UBR7: variants seen among roughly 807,000 people sequenced by gnomAD.
UBR7 encodes putative E3 ubiquitin-protein ligase UBR7.
Under a neutral mutation model 57.0 loss-of-function variants are expected in UBR7, and 22 were observed. The observed-to-expected ratio is 0.39, with a 90% CI of 0.28 to 0.55. UBR7 has a LOEUF of 0.55. Among genes scored for constraint, UBR7 ranks in the 20% least tolerant of loss-of-function variants. The probability of loss-of-function intolerance (pLI) is 0.69; values close to 1 mark genes in which losing one functional copy is unlikely to be tolerated. For missense variants in UBR7, 395 were observed against 513.2 expected, an observed-to-expected ratio of 0.77 and a Z score of 2.23; for synonymous variants, 167 against 179.8, an observed-to-expected ratio of 0.93 and a Z score of 0.57.
At chr14:93,211,255 A>C (rs1260562295) in intron 3 of UBR7, among the ~76,000 whole-genome samples, 1 of 151,760 alleles carries the variant, frequency 6.6e-6, no homozygotes, top group Non-Finnish European at 1.5e-5. Context: ...ACAAACAAAA[A>C]CAATAAATAG....
chr14:93,222,712 C>T (rs1894734790), intron 10 of UBR7, among the ~76,000 whole-genome samples: 1 of 151,558 alleles, frequency 6.6e-6, no homozygotes, highest in Admixed American at 6.6e-5. Flanking sequence ...CACTGCACCC[C>T]AGCCTGGGCG....
At chr14:93,219,658 G>A (rs1894664672) in intron 8 of UBR7, among the ~76,000 whole-genome samples, 1 of 152,156 alleles carries the variant, frequency 6.6e-6, no homozygotes, top group East Asian at 1.9e-4. Context: ...TATCAAAGTT[G>A]CTTGGAAACA....
At chr14:93,226,563 G>T (rs1452171798) in intron 10 of UBR7, among the ~76,000 whole-genome samples, 1 of 152,184 alleles carries the variant, frequency 6.6e-6, no homozygotes. Flanking sequence ...GGCCGAGGCA[G>T]GCGGATCATG....
In UBR7 at chr14:93,227,780, G is replaced by T. The variant is rs567195222; in HGVS notation, c.*745G>T. On this transcript the variant is annotated 3_prime_UTR_variant, in exon 11 of 11. Coordinates refer to ENST00000013070, the MANE Select transcript of UBR7 (RefSeq NM_175748.4). ...CTAGAATTAGAATTTCAGTACTGTA[G>T]TGCTCACAGGGCTTCCTGGAGAACA... 26 of 700,844 alleles carry T rather than the reference G, an allele frequency of 3.7e-5. No homozygotes were observed. The highest frequency in any genetic ancestry group is 2.8e-4 in the African/African-American group (16 of 57,302). 43.4% of individuals were successfully genotyped at this position (700,844 alleles called of 1,614,324 possible).
Position 93,226,924 on chromosome 14 carries a change from CTT to C in UBR7, c.1186-17_1186-16del, listed in dbSNP as rs1566825855. On this transcript the variant is annotated splice_polypyrimidine_tract_variant and intron_variant, in intron 10 of 10. Transcript: ENST00000013070. ...CTGTTACTTAGTTCTCTTTCATAAT[CTT>C]TGCTTTTCAAAAACAGGTTGTTAAG... 6.3e-7 allele frequency: 1 copy of C among 1,585,894 alleles called. No homozygotes were observed. The highest frequency in any genetic ancestry group is 8.6e-7 in the Non-Finnish European group (1 of 1,157,012).
chr14:93,229,020 T>C lies in UBR7; in HGVS notation c.*1985T>C, dbSNP rs1216476658. ...AGTTTTCTTATTGACTGTATTGGACTGTCTCTTCTTGTAGAGACTGATTTT... is the reference window on the plus strand; with the variant it reads ...AGTTTTCTTATTGACTGTATTGGACCGTCTCTTCTTGTAGAGACTGATTTT... On this transcript the variant is annotated 3_prime_UTR_variant, in exon 11 of 11. Coordinates refer to ENST00000013070, the MANE Select transcript of UBR7 (RefSeq NM_175748.4). 1 of 448,704 alleles carries C rather than the reference T, an allele frequency of 2.2e-6. No individual in the cohort carries two copies. Among genetic ancestry groups the C allele is most frequent in the South Asian group, 1.6e-5 (1 of 63,298 alleles). 27.8% of individuals were successfully genotyped at this position (448,704 alleles called of 1,614,324 possible). A position where few individuals can be genotyped will look rare whatever the true frequency, so the allele number is the denominator to read the frequency against.
chr14:93,223,853 C>A, intron 10 of UBR7: 2 of 749,888 alleles, frequency 2.7e-6, no homozygotes, highest in Non-Finnish European at 4.9e-6. Flanking sequence ...CCGGTATTCC[C>A]GGTACATGTT....
At chr14:93,211,900 T>G in intron 3 of UBR7, 132 bp from the exon 4 acceptor site, 1 of 696,698 alleles carries the variant, frequency 1.4e-6, no homozygotes, top group Non-Finnish European at 2.3e-6. Flanking sequence ...TTTTTTTTCC[T>G]ACTTTGAAAA....
chr14:93,224,748 A>G (rs1206532772), intron 10 of UBR7, among the ~76,000 whole-genome samples: 2 of 152,228 alleles, frequency 1.3e-5, no homozygotes, highest in East Asian at 3.8e-4. Flanking sequence ...TGGTTAATAC[A>G]GACTCAAGCT....
In UBR7 at chr14:93,228,501, T is replaced by C; in HGVS notation, c.*1466T>C. ...TCCCTGGATGAGATGAACTAGGCCT[T>C]ATAAAAAGTCAAAGCCTCAAAGAAA... On this transcript the variant is annotated 3_prime_UTR_variant, in exon 11 of 11. Coordinates refer to ENST00000013070, the MANE Select transcript of UBR7 (RefSeq NM_175748.4). 2.2e-6 allele frequency: 1 copy of C among 454,054 alleles called. No individual in the cohort carries two copies. Among genetic ancestry groups the C allele is most frequent in the South Asian group, 1.6e-5 (1 of 64,468 alleles). The allele number at this position is 454,054 out of a possible 1,614,324, so 28.1% of individuals were successfully genotyped here.
intron 3 of UBR7, 66 bp downstream of exon 3, chr14:93,210,774 A>C (rs1400203525): frequency 7.4e-7 from 1 of 1,349,342 alleles, no homozygotes; most frequent in Non-Finnish European, 1.0e-6. Flanking sequence ...CAGAGTGGGT[A>C]AAAAAACAAA....
At chr14:93,213,305 CT>C (rs1052462776) in intron 4 of UBR7, among the ~76,000 whole-genome samples, 4 of 151,446 alleles carry the variant, frequency 2.6e-5, no homozygotes, top group Non-Finnish European at 4.4e-5. Flanking sequence ...AGAATAGTAT[CT>C]TTTTTTTCAT....
chr14:93,209,434 TC>T (rs1894433793), intron 1 of UBR7, among the ~76,000 whole-genome samples: 1 of 152,202 alleles, frequency 6.6e-6, no homozygotes, highest in Non-Finnish European at 1.5e-5. Context: ...AATTCAGACT[TC>T]CTATCACTTT....
At chr14:93,222,271 A>T in intron 9 of UBR7, 42 bp from the exon 10 acceptor site, 1 of 1,427,228 alleles carries the variant, frequency 7.0e-7, no homozygotes, top group South Asian at 1.1e-5. Context: ...TTGAAAGCAA[A>T]TGGTTTATCT....
At chr14:93,220,222 CTTTTTT>C (rs528210789) in intron 8 of UBR7, 21 bp from the exon 9 acceptor site, 124 of 1,451,876 alleles carry the variant, frequency 8.5e-5, no homozygotes, top group Admixed American at 2.0e-4. Flanking sequence ...ACTCCTCTTT[CTTTTTT>C]TTTTTTTTTT....
At chr14:93,214,851 C>A in intron 4 of UBR7, 78 bp from the exon 5 acceptor site, 1 of 1,272,358 alleles carries the variant, frequency 7.9e-7, no homozygotes, top group African/African-American at 1.5e-5. Flanking sequence ...TATTTAGTAT[C>A]TTATTTTACT....
intron 6 of UBR7, among the ~76,000 whole-genome samples, chr14:93,216,173 A>G (rs1894587212): frequency 6.6e-6 from 1 of 152,170 alleles, no homozygotes; most frequent in Non-Finnish European, 1.5e-5. Context: ...TAGTGCCTTT[A>G]TAAAAGTGGA....
At chr14:93,214,773 C>T (rs1231425042) in intron 4 of UBR7, among the ~76,000 whole-genome samples, 156 bp from the exon 5 acceptor site, 1 of 152,160 alleles carries the variant, frequency 6.6e-6, no homozygotes, top group African/African-American at 2.4e-5. Context: ...TGTGAAAGAG[C>T]CTTGAGATTG....
intron 9 of UBR7, among the ~76,000 whole-genome samples, chr14:93,220,667 T>G (rs578026918): frequency 4.6e-5 from 7 of 152,090 alleles, no homozygotes; most frequent in Non-Finnish European, 1.0e-4. Context: ...TGAATGCAAA[T>G]TTTCCATCCA....
Sources: gnomAD v4.1 joint callset for allele counts (sites outside exome capture counted in the v4.1 genomes callset) on GRCh38, gnomAD v4.1.1 for gene constraint, MANE v1.5 for transcripts, NCBI Gene and HGNC (gene_info 2026-07-23, HGNC 2026-07-21) for gene names.